The following PDZRN3 variants were observed in gnomAD, a reference collection of about 807,000 sequenced individuals.
The protein encoded by PDZRN3 is PDZ domain containing ring finger 3.
In PDZRN3, 38 loss-of-function variants were observed where a neutral mutation model predicts 85.7. The ratio of observed to expected loss-of-function variants is 0.44; its 90% CI spans 0.34 to 0.58. The LOEUF (loss-of-function observed/expected upper bound fraction) is 0.58, where lower values mean the gene tolerates loss of function less well. Among genes scored for constraint, PDZRN3 ranks in the 20% least tolerant of loss-of-function variants. The pLI is 0.01. For synonymous variants in PDZRN3, 759 were observed against 638.0 expected (o/e 1.19, Z -2.86); for missense variants, 1,629 against 1,506.4 (o/e 1.08, Z -1.35).
chr3:73,546,575 T>C (rs1374795208), intron 3 of PDZRN3, among the ~76,000 whole-genome samples: 1 of 152,230 alleles, frequency 6.6e-6, no homozygotes, highest in African/African-American at 2.4e-5. Flanking sequence ...TCCCCTGCCA[T>C]GGGATTTCAG....
At chr3:73,542,042 A>G (rs574839585) in intron 3 of PDZRN3, among the ~76,000 whole-genome samples, 3 of 152,254 alleles carry the variant, frequency 2.0e-5, no homozygotes, top group African/African-American at 2.4e-5. Flanking sequence ...AATTATGGGG[A>G]AAAAAAGAGA....
intron 3 of PDZRN3, chr3:73,569,181 CTT>C (rs964426926): frequency 2.3e-6 from 3 of 1,289,340 alleles, no homozygotes; most frequent in African/African-American, 1.5e-5. Flanking sequence ...CTTCTTTACT[CTT>C]TGATTCATCA....
intron 3 of PDZRN3, among the ~76,000 whole-genome samples, chr3:73,465,375 C>T (rs1330127050): frequency 1.3e-5 from 2 of 152,152 alleles, no homozygotes; most frequent in Non-Finnish European, 2.9e-5. Context: ...TAACAAATTG[C>T]CTTATATAGA....
chr3:73,544,964 C>A (rs1221692250), intron 3 of PDZRN3, among the ~76,000 whole-genome samples: 1 of 151,976 alleles, frequency 6.6e-6, no homozygotes, highest in Non-Finnish European at 1.5e-5. Flanking sequence ...CCAATGCATG[C>A]ACACATATAT....
At position 73,604,487 on chromosome 3, in the gene PDZRN3, C is replaced by T. The variant is rs140540354; in HGVS notation, c.811-2026G>A. Among the ~76,000 whole-genome samples the T allele has an allele frequency of 2.0e-3, 305 of 152,244 alleles. 3 individuals carry two copies. Among genetic ancestry groups the T allele is most frequent in the Non-Finnish European group, 3.5e-3 (241 of 68,014 alleles). ...GGCTCAGTTTCAAACTGAGGCGAAG[C>T]GGATCCTCTTGCACATTACATGCTC... On this transcript the variant is annotated intron_variant, in intron 2 of 9. Coordinates refer to ENST00000263666, the MANE Select transcript of PDZRN3 (RefSeq NM_015009.3).
intron 3 of PDZRN3, among the ~76,000 whole-genome samples, chr3:73,575,830 A>G (rs1328074003): frequency 6.6e-6 from 1 of 152,186 alleles, no homozygotes; most frequent in Admixed American, 6.5e-5. Context: ...AATTTTTCCT[A>G]TGATTCTTTA....
chr3:73,397,844 C>T (rs1701671248), intron 5 of PDZRN3, among the ~76,000 whole-genome samples: 1 of 152,116 alleles, frequency 6.6e-6, no homozygotes, highest in Admixed American at 6.5e-5. Flanking sequence ...TTCCTGGCTG[C>T]TATGGACTCA....
intron 4 of PDZRN3, chr3:73,401,230 A>G: frequency 2.0e-6 from 1 of 504,474 alleles, no homozygotes; most frequent in Non-Finnish European, 3.6e-6. Flanking sequence ...CTTAAGATGC[A>G]AAGTGCAAGC....
chr3:73,389,752 T>G (rs1701480543), intron 7 of PDZRN3, 64 bp downstream of exon 7: 2 of 1,176,516 alleles, frequency 1.7e-6, no homozygotes, highest in Non-Finnish European at 2.6e-6. Context: ...AGACCTATCA[T>G]TAGAACCAGT....
intron 3 of PDZRN3, among the ~76,000 whole-genome samples, chr3:73,442,224 G>A (rs1466947218): frequency 6.6e-6 from 1 of 152,176 alleles, no homozygotes; most frequent in Admixed American, 6.5e-5. Context: ...GTCCAGGCAG[G>A]ACAGATGGTA....
rs193008410 is a variant in PDZRN3 at position 73,570,083 on chromosome 3, T to C, written c.918+32271A>G. Among the ~76,000 whole-genome samples the C allele has an allele frequency of 2.6e-3, 395 of 152,302 alleles. 2 individuals carry two copies. The highest frequency in any genetic ancestry group is 0.017 in the Middle Eastern group (5 of 294). The stretch of plus-strand genomic sequence containing the variant: ...GCCCTTATACTACCCCGCTGACACA[T>C]TATATATTTGGTCTCGCTTACTGCC... On this transcript the variant is annotated intron_variant, in intron 3 of 9. Transcript: ENST00000263666.
At chr3:73,555,100 G>A (rs188816856) in intron 3 of PDZRN3, among the ~76,000 whole-genome samples, 12 of 152,232 alleles carry the variant, frequency 7.9e-5, no homozygotes, top group African/African-American at 2.2e-4. Flanking sequence ...AGGCAATTAG[G>A]GGATTTATAG....
chr3:73,596,251 T>C (rs1437210437), intron 3 of PDZRN3, among the ~76,000 whole-genome samples: 3 of 152,008 alleles, frequency 2.0e-5, no homozygotes, highest in African/African-American at 4.8e-5. Flanking sequence ...ACAGATTAAA[T>C]AGGGGAAAAA....
At chr3:73,538,986 A>G (rs1256733657) in intron 3 of PDZRN3, among the ~76,000 whole-genome samples, 2 of 152,154 alleles carry the variant, frequency 1.3e-5, no homozygotes, top group African/African-American at 2.4e-5. Flanking sequence ...ATTCTCAAAG[A>G]AATGTTAATT....
intron 3 of PDZRN3, among the ~76,000 whole-genome samples, chr3:73,493,303 T>C (rs1326734008): frequency 6.6e-6 from 1 of 152,024 alleles, no homozygotes; most frequent in African/African-American, 2.4e-5. Flanking sequence ...AAAGGAGAAT[T>C]CCCTAGCACC....
chr3:73,446,186 C>T (rs1238082437), intron 3 of PDZRN3, among the ~76,000 whole-genome samples: 1 of 151,968 alleles, frequency 6.6e-6, no homozygotes, highest in African/African-American at 2.4e-5. Flanking sequence ...GGGTCCCCGT[C>T]AGCACTCTGA....
intron 1 of PDZRN3, among the ~76,000 whole-genome samples, chr3:73,611,890 A>G (rs1466701685): frequency 6.6e-6 from 1 of 152,204 alleles, no homozygotes; most frequent in Non-Finnish European, 1.5e-5. Context: ...AAAATGCTTC[A>G]GGATAGAGGG....
chr3:73,531,250 C>CA (rs60520136), intron 3 of PDZRN3, among the ~76,000 whole-genome samples: 20,045 of 62,426 alleles, frequency 0.32, 3,141 homozygotes, highest in Non-Finnish European at 0.41. Context: ...GACTTCGTCT[C>CA]AAAAAAAAAA....
At chr3:73,390,221 T>A (rs921038404) in intron 6 of PDZRN3, among the ~76,000 whole-genome samples, 1 of 152,222 alleles carries the variant, frequency 6.6e-6, no homozygotes, top group Non-Finnish European at 1.5e-5. Flanking sequence ...CCCTTCATTA[T>A]GTGGACTAGC....
Sources: gnomAD v4.1 joint callset for allele counts (sites outside exome capture counted in the v4.1 genomes callset) on GRCh38, gnomAD v4.1.1 for gene constraint, MANE v1.5 for transcripts, NCBI Gene and HGNC (gene_info 2026-07-23, HGNC 2026-07-21) for gene names.